CLIC5: variants seen among roughly 807,000 people sequenced by gnomAD.
The protein encoded by CLIC5 is chloride intracellular channel protein 5.
CLIC5 carries 20 observed loss-of-function variants against 24.7 expected under a neutral mutation model. That is an observed-to-expected ratio of 0.81 (90% CI 0.57 to 1.18). CLIC5 has a LOEUF of 1.18. CLIC5 is among the 50% of genes most tolerant of loss of function. CLIC5 has a pLI of 0.00. For synonymous variants in CLIC5, 159 were observed against 135.6 expected, an observed-to-expected ratio of 1.17 and a Z score of -1.20; for missense variants, 341 against 326.1, an observed-to-expected ratio of 1.05 and a Z score of -0.35.
chr6:46,030,675 G>T (rs1015585887), intron 1 of CLIC5, among the ~76,000 whole-genome samples: 2 of 152,032 alleles, frequency 1.3e-5, no homozygotes, highest in African/African-American at 2.4e-5. Flanking sequence ...CCCTAAAATG[G>T]CTTGATTTCC....
chr6:45,986,736 G>A (rs944453516), intron 1 of CLIC5, among the ~76,000 whole-genome samples: 5 of 151,388 alleles, frequency 3.3e-5, no homozygotes, highest in African/African-American at 1.2e-4. Flanking sequence ...GATTTCCTCT[G>A]TGCTCATTCA....
Position 46,010,094 on chromosome 6 carries a change from A to C in CLIC5, c.63+5386T>G, listed in dbSNP as rs535583392. ...GGGGTCAGCTCCAACAATCGGGAAC[A>C]TTTCTCTTCCAGTTCCCTGAATGAC... is the stretch of plus-strand genomic sequence containing the variant. On this transcript the variant is annotated intron_variant, in intron 1 of 5. Transcript: ENST00000339561. Among the ~76,000 whole-genome samples, 12 of 152,184 alleles carry C rather than the reference A, an allele frequency of 7.9e-5. No individual in the cohort carries two copies. In the South Asian group the frequency reaches 2.5e-3, roughly 32 times the overall value.
chr6:46,058,596 G>T (rs985235364), intron 1 of CLIC5, among the ~76,000 whole-genome samples: 1 of 152,224 alleles, frequency 6.6e-6, no homozygotes, highest in African/African-American at 2.4e-5. Context: ...AGTGCCATGG[G>T]CACAATCTGG....
intron 1 of CLIC5, among the ~76,000 whole-genome samples, chr6:46,033,650 G>A (rs1029315009): frequency 1.3e-5 from 2 of 152,142 alleles, no homozygotes; most frequent in Non-Finnish European, 2.9e-5. Flanking sequence ...AGAGACCCTG[G>A]ACAGAGCAGA....
At chr6:45,890,669 G>A (rs1265787323) in intron 6 of CLIC5, among the ~76,000 whole-genome samples, 3 of 152,070 alleles carry the variant, frequency 2.0e-5, no homozygotes, top group Admixed American at 6.6e-5. Flanking sequence ...TAAGTGACCC[G>A]AATCGACAAA....
chr6:45,945,593 T>G (rs930184118), intron 3 of CLIC5, among the ~76,000 whole-genome samples: 1 of 152,108 alleles, frequency 6.6e-6, no homozygotes, highest in African/African-American at 2.4e-5. Context: ...AAGTGAGAAA[T>G]AAACCTGTGT....
At chr6:46,052,808 G>T (rs115631816) in intron 1 of CLIC5, among the ~76,000 whole-genome samples, 2 of 151,884 alleles carry the variant, frequency 1.3e-5, no homozygotes, top group Admixed American at 1.3e-4. Flanking sequence ...GGGAGAGCTT[G>T]TGCTTCCAGT....
At chr6:45,887,157 A>T (rs541345971) in intron 6 of CLIC5, among the ~76,000 whole-genome samples, 1 of 152,262 alleles carries the variant, frequency 6.6e-6, no homozygotes, top group Non-Finnish European at 1.5e-5. Flanking sequence ...GAACAAATGC[A>T]TGGTATATCA....
rs558889796 is a variant in CLIC5 at position 46,027,629 on chromosome 6, G to A, written c.540+52074C>T. ...TTGCAGAAACTTACTTAGAAGAAAC[G>A]ATTTTTGTATTTCTCTGTAATTATT... On this transcript the variant is annotated intron_variant, in intron 1 of 5. Coordinates refer to the CLIC5 transcript ENST00000185206. Among the ~76,000 whole-genome samples the A allele has an allele frequency of 8.5e-5, 13 of 152,280 alleles. No individual in the cohort carries two copies. The South Asian group carries it at 1.0e-3, about 12-fold the overall frequency.
the CLIC5 span, among the ~76,000 whole-genome samples, chr6:46,124,734 AAAAC>A: frequency 4.6e-5 from 7 of 152,334 alleles, no homozygotes; most frequent in Admixed American, 1.3e-4. Flanking sequence ...TTACAAGAAA[AAAAC>A]AAACAACCCC....
chr6:46,005,157 G>A (rs796908874), intron 1 of CLIC5, among the ~76,000 whole-genome samples: 10 of 152,284 alleles, frequency 6.6e-5, no homozygotes, highest in African/African-American at 2.2e-4. Flanking sequence ...GAGAATAACT[G>A]GGACATGGTG....
chr6:46,013,285 T>A (rs894643356), intron 1 of CLIC5, among the ~76,000 whole-genome samples: 1 of 152,252 alleles, frequency 6.6e-6, no homozygotes, highest in African/African-American at 2.4e-5. Context: ...TGGGGAATCA[T>A]GTACCTCAGA....
chr6:45,974,182 C>T (rs1223501088), intron 1 of CLIC5, among the ~76,000 whole-genome samples: 2 of 151,550 alleles, frequency 1.3e-5, no homozygotes, highest in South Asian at 2.1e-4. Context: ...TATATAAAAC[C>T]ACCAGGCTGG....
chr6:45,935,199 CAG>C (rs144324779), intron 4 of CLIC5, among the ~76,000 whole-genome samples: 3,185 of 152,244 alleles, frequency 0.021, 122 homozygotes, highest in African/African-American at 0.073. Context: ...TTAGGAATGA[CAG>C]AGAGTGGGGG....
At chr6:45,914,527 TC>T in intron 4 of CLIC5, 118 bp from the exon 5 acceptor site, 2 of 1,300,944 alleles carry the variant, frequency 1.5e-6, no homozygotes, top group African/African-American at 1.5e-5. Context: ...CACTGCCAGC[TC>T]CCCACACACT....
intron 1 of CLIC5, among the ~76,000 whole-genome samples, chr6:46,048,635 A>G (rs189275283): frequency 2.4e-3 from 365 of 152,066 alleles, no homozygotes; most frequent in African/African-American, 7.7e-3. Flanking sequence ...CCCCAGCTCC[A>G]TTACTAGTCC....
At chr6:46,010,260 C>A (rs969534986) in intron 1 of CLIC5, among the ~76,000 whole-genome samples, 2 of 152,176 alleles carry the variant, frequency 1.3e-5, no homozygotes, top group Non-Finnish European at 2.9e-5. Context: ...ACTTATTGGG[C>A]TACATGGAGC....
intron 4 of CLIC5, chr6:45,919,040 C>G (rs1341733184): frequency 1.0e-6 from 1 of 985,260 alleles, no homozygotes; most frequent in Non-Finnish European, 1.2e-6. Context: ...TTTTCAACTG[C>G]TATGGTCTTC....
chr6:45,999,040 A>G (rs1226309755), intron 1 of CLIC5, among the ~76,000 whole-genome samples: 1 of 152,214 alleles, frequency 6.6e-6, no homozygotes, highest in Non-Finnish European at 1.5e-5. Context: ...TGAGAGCTCC[A>G]AGGCCATTCA....
Sources: allele counts gnomAD v4.1 joint callset (sites outside exome capture counted in the v4.1 genomes callset), GRCh38; gene constraint gnomAD v4.1.1; transcripts MANE v1.5; gene names NCBI Gene and HGNC (gene_info 2026-07-23, HGNC 2026-07-21).